The following SLCO4A1 variants were observed in gnomAD, a reference collection of about 807,000 sequenced individuals.
SLCO4A1 encodes colon organic anion transporter.
A neutral mutation model predicts 64.6 loss-of-function variants in SLCO4A1; 51 were observed. The observed-to-expected ratio is 0.79, with a 90% CI of 0.63 to 1.00. SLCO4A1 has a LOEUF of 1.00. SLCO4A1 is among the 50% of genes least tolerant of loss of function. SLCO4A1 has a pLI of 0.00. For synonymous variants in SLCO4A1, 471 were observed against 444.9 expected (o/e 1.06, Z -0.74); for missense variants, 919 against 980.5 (o/e 0.94, Z 0.84).
At chr20:62,669,338 C>G (rs1462417890) in intron 11 of SLCO4A1, among the ~76,000 whole-genome samples, 3 of 152,236 alleles carry the variant, frequency 2.0e-5, no homozygotes, top group African/African-American at 7.2e-5. Context: ...CCTGCTCCCT[C>G]TCCCACCTCC....
intron 1 of SLCO4A1, among the ~76,000 whole-genome samples, 166 bp downstream of exon 1, chr20:62,642,719 G>A (rs556927330): frequency 3.3e-5 from 5 of 152,234 alleles, no homozygotes; most frequent in African/African-American, 1.2e-4. Flanking sequence ...CCTCTCCGCG[G>A]GGGAGGGCAG....
In SLCO4A1 at chr20:62,684,217, G is replaced by T. The variant is rs557861226; in HGVS notation, n.212-1224G>T. 2.0e-5 allele frequency among the ~76,000 whole-genome samples: 3 copies of T among 152,336 alleles called. No homozygotes were observed. In the South Asian group the frequency reaches 6.2e-4, roughly 32 times the overall value. On this transcript the variant is annotated intron_variant and non_coding_transcript_variant, in intron 2 of 2. Transcript: ENST00000466818. ...CATGTGGCAGCCCCAGGGGTCCTGG[G>T]TGTTCTACTTAACCTTTCTGTGCCT...
At chr20:62,662,816 A>C (rs1393093097) in intron 5 of SLCO4A1, among the ~76,000 whole-genome samples, 8 of 95,238 alleles carry the variant, frequency 8.4e-5, no homozygotes, top group Non-Finnish European at 1.7e-4. Flanking sequence ...GAACCCCCCC[A>C]GGGTGCCCAC....
chr20:62,685,320 TC>T lies in SLCO4A1; in HGVS notation n.212-117del. The T allele has an allele frequency of 2.7e-6, 1 of 364,912 alleles. No homozygotes were observed. Among genetic ancestry groups the T allele is most frequent in the Non-Finnish European group, 3.8e-6 (1 of 263,010 alleles). 22.6% of individuals were successfully genotyped at this position (364,912 alleles called of 1,614,324 possible). On this transcript the variant is annotated intron_variant and non_coding_transcript_variant, in intron 2 of 2. Coordinates refer to the SLCO4A1 transcript ENST00000466818. The surrounding 1 kb of genome is among the most constrained non-coding windows in gnomAD (Gnocchi z 4.6). ...CTGCCCTGGCTGCCCCCCGACACCTTCCCCAGCTGGTCGGTGCCCAAGGGTG... is the reference window on the plus strand; with the variant it reads ...CTGCCCTGGCTGCCCCCCGACACCTTCCCAGCTGGTCGGTGCCCAAGGGTG...
Position 62,671,178 on chromosome 20 carries a change from G to A in SLCO4A1, c.2026-572G>A, listed in dbSNP as rs765113122. Among the ~76,000 whole-genome samples the A allele has an allele frequency of 5.3e-5, 8 of 152,240 alleles. No individual in the cohort carries two copies. In the South Asian group the frequency reaches 8.3e-4, roughly 16 times the overall value. ...AACCCCGGCTGTGGTGGTGACCGGC[G>A]ACTGGCTCTGTGTGAGGTTCCTGTG... is the stretch of plus-strand genomic sequence containing the variant. On this transcript the variant is annotated intron_variant, in intron 11 of 11. Transcript: ENST00000217159.
At chr20:62,665,284 TG>T (rs1985904142) in intron 6 of SLCO4A1, 196 bp downstream of exon 6, 1 of 586,268 alleles carries the variant, frequency 1.7e-6, no homozygotes, top group South Asian at 2.4e-5. Context: ...GTGGTGGTCC[TG>T]CCCTCTTTGT....
chr20:62,642,736 G>A (rs1980594633), intron 1 of SLCO4A1, among the ~76,000 whole-genome samples, 183 bp downstream of exon 1: 1 of 152,148 alleles, frequency 6.6e-6, no homozygotes, highest in Non-Finnish European at 1.5e-5. Flanking sequence ...GCAGGACCGA[G>A]CGGAATCGGA....
chr20:62,688,816 T>A (rs1434691937), downstream of SLCO4A1, among the ~76,000 whole-genome samples: 1 of 152,180 alleles, frequency 6.6e-6, no homozygotes, highest in East Asian at 1.9e-4. Context: ...AGGGGAGACC[T>A]AACTTTCAGG....
chr20:62,683,341 G>A (rs1022707389), intron 2 of SLCO4A1, among the ~76,000 whole-genome samples: 2 of 152,076 alleles, frequency 1.3e-5, no homozygotes, highest in Admixed American at 6.6e-5. Flanking sequence ...CCAGCCGCTC[G>A]CTGCTGGCCA....
At chr20:62,668,378 A>T (rs997192400) in intron 9 of SLCO4A1, 99 bp from the exon 10 acceptor site, 120 of 1,335,176 alleles carry the variant, frequency 9.0e-5, no homozygotes, top group Admixed American at 6.7e-5. Flanking sequence ...GGGGGTGATG[A>T]TGTGGCTGGG....
At chr20:62,687,081 G>A (rs1189125335), downstream of SLCO4A1, among the ~76,000 whole-genome samples, 1 of 150,664 alleles carries the variant, frequency 6.6e-6, no homozygotes, top group Admixed American at 6.6e-5. Flanking sequence ...AGGCACGATG[G>A]GAAGGGCACC....
At chr20:62,657,920 C>T (rs1463764758) in intron 2 of SLCO4A1, among the ~76,000 whole-genome samples, 1 of 152,250 alleles carries the variant, frequency 6.6e-6, no homozygotes, top group Non-Finnish European at 1.5e-5. Context: ...TAACTCTATG[C>T]TAGGCAGCTG....
chr20:62,681,360 T>A (rs577921077), intron 2 of SLCO4A1, among the ~76,000 whole-genome samples: 17 of 152,374 alleles, frequency 1.1e-4, no homozygotes, highest in Non-Finnish European at 2.1e-4. Flanking sequence ...TCCGTGGTTC[T>A]GCTTATACTC....
At chr20:62,688,681 C>T (rs1366746119), downstream of SLCO4A1, among the ~76,000 whole-genome samples, 1 of 152,188 alleles carries the variant, frequency 6.6e-6, no homozygotes, top group Non-Finnish European at 1.5e-5. Context: ...ATGCATGCCC[C>T]CTGCCACCCA....
intron 2 of SLCO4A1, among the ~76,000 whole-genome samples, chr20:62,682,027 C>A (rs1175353668): frequency 6.6e-6 from 1 of 152,178 alleles, no homozygotes; most frequent in Non-Finnish European, 1.5e-5. Context: ...AGGACTGAGC[C>A]CTCAGCCGGG....
At chr20:62,674,357 CAG>C (rs1045441696), downstream of SLCO4A1, among the ~76,000 whole-genome samples, 9 of 152,130 alleles carry the variant, frequency 5.9e-5, no homozygotes, top group Non-Finnish European at 5.9e-5. Context: ...TGAGATTGGT[CAG>C]GGGAGCTCAT....
Position 62,658,728 on chromosome 20 carries a change from G to A in SLCO4A1, c.848G>A (p.Gly283Glu), listed in dbSNP as rs1984217531. 1 of 1,612,106 alleles carries A rather than the reference G, an allele frequency of 6.2e-7. No homozygotes were observed. Among genetic ancestry groups the A allele is most frequent in the Non-Finnish European group, 8.5e-7 (1 of 1,179,598 alleles). ...ILGPAAGYLI[G>E]GALLNIYTEM... is the part of the protein sequence containing the mutation. ...GGCCCAGCTGCCGGCTACCTGATTG[G>A]AGGTGCCCTGCTGAATATCTACACG... is the stretch of plus-strand genomic sequence containing the variant. The change falls in exon 3 of 12, where the codon GGA becomes GAA. Residue 283 changes from glycine to glutamate, a missense_variant. Coordinates refer to ENST00000217159, the MANE Select transcript of SLCO4A1 (RefSeq NM_016354.4).
chr20:62,661,869 C>G lies in SLCO4A1; in HGVS notation c.1121+694C>G, dbSNP rs1158700594. Among the ~76,000 whole-genome samples the G allele has an allele frequency of 2.0e-5, 3 of 151,890 alleles. No individual in the cohort carries two copies. Among genetic ancestry groups the G allele is most frequent in the Non-Finnish European group, 4.4e-5 (3 of 67,938 alleles). On this transcript the variant is annotated intron_variant, in intron 5 of 11. Transcript: ENST00000217159. The surrounding 1 kb of genome is among the most constrained non-coding windows in gnomAD (Gnocchi z 5.2). ...AGCCGGTGGGGTCCTAGAGGGACAACAGAGGGGCCCGGGCCCTCCCGGCCT... is the reference window on the plus strand; with the variant it reads ...AGCCGGTGGGGTCCTAGAGGGACAAGAGAGGGGCCCGGGCCCTCCCGGCCT...
intron 11 of SLCO4A1, among the ~76,000 whole-genome samples, chr20:62,669,602 T>C (rs1195853712): frequency 6.6e-6 from 1 of 152,244 alleles, no homozygotes; most frequent in Non-Finnish European, 1.5e-5. Context: ...TTTTGGCGTA[T>C]GCTACCTGGG....
Sources: allele counts gnomAD v4.1 joint callset (sites outside exome capture counted in the v4.1 genomes callset), GRCh38; gene constraint gnomAD v4.1.1; non-coding constraint Gnocchi (gnomAD v3.1); transcripts MANE v1.5; gene names NCBI Gene and HGNC (gene_info 2026-07-23, HGNC 2026-07-21).